The following APCDD1 variants were observed in gnomAD, a reference collection of about 807,000 sequenced individuals.
The protein encoded by APCDD1 is protein APCDD1.
APCDD1 carries 15 observed loss-of-function variants against 38.1 expected under a neutral mutation model. The ratio of observed to expected loss-of-function variants is 0.39; its 90% CI spans 0.26 to 0.61. The LOEUF (loss-of-function observed/expected upper bound fraction) is 0.61. Among genes scored for constraint, APCDD1 ranks in the 20% least tolerant of loss-of-function variants. The pLI, the probability that APCDD1 is intolerant of heterozygous loss-of-function variation, is 0.49. For missense variants in APCDD1, 647 were observed against 696.2 expected, an observed-to-expected ratio of 0.93 and a Z score of 0.79; for synonymous variants, 261 against 279.7, an observed-to-expected ratio of 0.93 and a Z score of 0.67.
chr18:10,483,964 A>C (rs559115987), intron 3 of APCDD1, among the ~76,000 whole-genome samples: 1 of 152,328 alleles, frequency 6.6e-6, no homozygotes, highest in East Asian at 1.9e-4. Context: ...CCTTGGTCAG[A>C]CAGCGAGGCA....
In APCDD1 at chr18:10,487,544, C is replaced by CA. The variant is rs1449826985; in HGVS notation, c.1097-45dup. 6.3e-6 allele frequency: 10 copies of CA among 1,597,856 alleles called. No individual in the cohort carries two copies. The South Asian group carries it at 1.1e-4, about 18-fold the overall frequency. ...GTTTTCTGGGTGGGTTTCTGGATCC[C>CA]ACGCCTACTCCCTGGAGTCATGGAA... On this transcript the variant is annotated intron_variant, in intron 4 of 4. Transcript: ENST00000355285.
rs1319763013 is a variant in APCDD1, at chr18:10,471,151, G to A, written c.243-379G>A. Among the ~76,000 whole-genome samples the A allele has an allele frequency of 6.6e-6, 1 of 152,258 alleles. No homozygotes were observed. Among genetic ancestry groups the A allele is most frequent in the Non-Finnish European group, 1.5e-5 (1 of 68,040 alleles). ...CCTCCTTATCCAGAAAGAAATGCCT[G>A]CACAGGGCAGCAGGTGTTTGCCCTC... is the stretch of plus-strand genomic sequence containing the variant. On this transcript the variant is annotated intron_variant, in intron 2 of 4. Coordinates refer to ENST00000355285, the MANE Select transcript of APCDD1 (RefSeq NM_153000.5). The surrounding 1 kb of genome is among the most constrained non-coding windows in gnomAD (Gnocchi z 5.5).
At position 10,485,432 on chromosome 18, in the gene APCDD1, C is replaced by G; in HGVS notation, c.775-30C>G. The G allele has an allele frequency of 1.2e-6, 2 of 1,611,864 alleles. No homozygotes were observed. The highest frequency in any genetic ancestry group is 2.2e-5 in the East Asian group (1 of 44,864). On this transcript the variant is annotated intron_variant, in intron 3 of 4. Transcript: ENST00000355285. This position sits in a 1 kb window ranked among gnomAD's most constrained non-coding sequence, Gnocchi z 5.8. ...CACTGCTCCCTTGGGAAGATAGAGGCCTCTGAATGTGTTTGTTTCTTGGCT... is the reference window on the plus strand; with the variant it reads ...CACTGCTCCCTTGGGAAGATAGAGGGCTCTGAATGTGTTTGTTTCTTGGCT...
intron 3 of APCDD1, among the ~76,000 whole-genome samples, chr18:10,483,661 G>A (rs2031187558): frequency 6.6e-6 from 1 of 152,222 alleles, no homozygotes; most frequent in African/African-American, 2.4e-5. Context: ...AACTGCTAGA[G>A]AACAAGTGTG....
At chr18:10,483,415 C>G (rs1323709549) in intron 3 of APCDD1, among the ~76,000 whole-genome samples, 1 of 152,218 alleles carries the variant, frequency 6.6e-6, no homozygotes, top group African/African-American at 2.4e-5. Context: ...GCTCTTTGAT[C>G]CAATTGTCTA....
Position 10,455,001 on chromosome 18 carries a change from T to G in APCDD1, c.20T>G (p.Leu7Arg), listed in dbSNP as rs764939671. 14 of 1,561,118 alleles carry G rather than the reference T, an allele frequency of 9.0e-6. No homozygotes were observed. Among genetic ancestry groups the G allele is most frequent in the Non-Finnish European group, 1.2e-5 (14 of 1,153,026 alleles). Residue 7 changes from leucine to arginine, a missense_variant, in exon 1 of 5, where the codon CTC becomes CGC. Transcript: ENST00000355285. ...CTGGAAATGTCCTGGCCGCGCCGCC[T>G]CCTGCTCAGATACCTGTTCCCGGCC... is the stretch of plus-strand genomic sequence containing the variant. MSWPRR[L>R]LLRYLFPALL...
intron 1 of APCDD1, among the ~76,000 whole-genome samples, chr18:10,466,549 C>T (rs948730211): frequency 1.3e-5 from 2 of 152,266 alleles, no homozygotes; most frequent in Admixed American, 6.5e-5. Flanking sequence ...TGTAAATAGG[C>T]TGGTTTTGAA....
In APCDD1 at chr18:10,454,640, G is replaced by C; in HGVS notation, c.-342G>C. The C allele has an allele frequency of 3.8e-6, 4 of 1,062,776 alleles. No individual in the cohort carries two copies. Among genetic ancestry groups the C allele is most frequent in the Non-Finnish European group, 4.6e-6 (4 of 875,508 alleles). 65.8% of individuals were successfully genotyped at this position (1,062,776 alleles called of 1,614,324 possible). A position where few individuals can be genotyped will look rare whatever the true frequency, so the allele number is the denominator to read the frequency against. ...CGGCGGCGCGCTGGAAATATGAAGAGACGCTGCAGCTGCGGTGGCGGTGGC... is the reference window on the plus strand; with the variant it reads ...CGGCGGCGCGCTGGAAATATGAAGACACGCTGCAGCTGCGGTGGCGGTGGC... On this transcript the variant is annotated 5_prime_UTR_variant, in exon 1 of 5. Coordinates refer to ENST00000355285, the MANE Select transcript of APCDD1 (RefSeq NM_153000.5).
rs186794994 is a variant in APCDD1 at position 10,456,371 on chromosome 18, A to G, written c.58+1332A>G. 5.7e-4 allele frequency among the ~76,000 whole-genome samples: 87 copies of G among 152,366 alleles called. 1 individual carries two copies. The highest frequency in any genetic ancestry group is 2.0e-3 in the African/African-American group (82 of 41,586). On this transcript the variant is annotated intron_variant, in intron 1 of 4. Coordinates refer to ENST00000355285, the MANE Select transcript of APCDD1 (RefSeq NM_153000.5). ...AGCAGTTTTAATCTTTGGCTGAAAC[A>G]TGAAACAAATCAGAGCCAATGAACA...
intron 3 of APCDD1, among the ~76,000 whole-genome samples, chr18:10,479,000 G>A: frequency 6.6e-6 from 1 of 152,180 alleles, no homozygotes; most frequent in East Asian, 1.9e-4. Flanking sequence ...CCGTTTGCCT[G>A]TTAGCCGAGA....
rs1419734214 is a variant in APCDD1, at chr18:10,485,006, T to G, written c.775-456T>G. On this transcript the variant is annotated intron_variant, in intron 3 of 4. Transcript: ENST00000355285. The surrounding 1 kb of genome is among the most constrained non-coding windows in gnomAD (Gnocchi z 5.8). ...TTTTGTTTTGTTTTGTTTTGTTTTT[T>G]GAGGAACCACCTTACTGTTTTCCAT... Among the ~76,000 whole-genome samples the G allele has an allele frequency of 1.3e-5, 2 of 152,206 alleles. No individual in the cohort carries two copies. The highest frequency in any genetic ancestry group is 4.1e-4 in the South Asian group (2 of 4,824).
chr18:10,472,303 C>G lies in APCDD1; in HGVS notation c.774+242C>G, dbSNP rs1306774641. On this transcript the variant is annotated intron_variant, in intron 3 of 4. Coordinates refer to ENST00000355285, the MANE Select transcript of APCDD1 (RefSeq NM_153000.5). The surrounding 1 kb of genome is among the most constrained non-coding windows in gnomAD (Gnocchi z 6.6). ...CTCTGTGACTTGGAACCTCGGTTAT[C>G]CTACTGAAGTGGGTGGTGGCATGGG... Among the ~76,000 whole-genome samples, 1 of 152,096 alleles carries G rather than the reference C, an allele frequency of 6.6e-6. No homozygotes were observed. Among genetic ancestry groups the G allele is most frequent in the African/African-American group, 2.4e-5 (1 of 41,422 alleles).
At chr18:10,486,361 C>T (rs1053073150) in intron 4 of APCDD1, among the ~76,000 whole-genome samples, 9 of 151,966 alleles carry the variant, frequency 5.9e-5, no homozygotes, top group Admixed American at 3.9e-4. Context: ...CTCTAAAAAA[C>T]AAAAAAAGAA....
At chr18:10,474,278 T>G (rs1042108183) in intron 3 of APCDD1, 3 of 152,214 alleles carry the variant, frequency 2.0e-5, no homozygotes, top group African/African-American at 7.2e-5. Flanking sequence ...ATGTCATGAA[T>G]TAAAACGGCC....
chr18:10,461,795 G>A (rs1192158460), intron 1 of APCDD1, among the ~76,000 whole-genome samples: 1 of 152,212 alleles, frequency 6.6e-6, no homozygotes, highest in Non-Finnish European at 1.5e-5. Flanking sequence ...AAATCTTAGT[G>A]AATGGGAACT....
In APCDD1 at chr18:10,454,685, G is replaced by T. The variant is rs1459093141; in HGVS notation, c.-297G>T. ...GGTGGCGGCCACTGCAGCTCAGAGC[G>T]GCGCACGCGGCGGCCGGGGCGGGAC... On this transcript the variant is annotated 5_prime_UTR_variant, in exon 1 of 5. Transcript: ENST00000355285. 2 of 986,394 alleles carry T rather than the reference G, an allele frequency of 2.0e-6. No individual in the cohort carries two copies. Among genetic ancestry groups the T allele is most frequent in the East Asian group, 2.3e-4 (2 of 8,784 alleles). 61.1% of individuals were successfully genotyped at this position (986,394 alleles called of 1,614,324 possible).
chr18:10,473,356 T>C (rs929047580), intron 3 of APCDD1, among the ~76,000 whole-genome samples: 25 of 152,216 alleles, frequency 1.6e-4, no homozygotes, highest in Admixed American at 1.5e-3. Context: ...TGAAGCCCTG[T>C]GCTCAGCCCA....
rs2031220736 is a variant in APCDD1 at position 10,485,146 on chromosome 18, G to T, written c.775-316G>T. On this transcript the variant is annotated intron_variant, in intron 3 of 4. Coordinates refer to ENST00000355285, the MANE Select transcript of APCDD1 (RefSeq NM_153000.5). The surrounding 1 kb of genome is among the most constrained non-coding windows in gnomAD (Gnocchi z 5.8). ...TTTTTTGATAGTAGCCATCCTAATG[G>T]GTGTGAGGTGCTGCCATCATTTCTT... Among the ~76,000 whole-genome samples the T allele has an allele frequency of 2.0e-5, 3 of 152,202 alleles. No individual in the cohort carries two copies. In the South Asian group the frequency reaches 6.2e-4, roughly 32 times the overall value.
At chr18:10,473,112 TA>T (rs1489779057) in intron 3 of APCDD1, among the ~76,000 whole-genome samples, 1 of 152,270 alleles carries the variant, frequency 6.6e-6, no homozygotes, top group Non-Finnish European at 1.5e-5. Flanking sequence ...CTTCATTTTT[TA>T]AAAATCTTTT....
Sources: gnomAD v4.1 joint callset for allele counts (sites outside exome capture counted in the v4.1 genomes callset) on GRCh38, gnomAD v4.1.1 for gene constraint, Gnocchi (gnomAD v3.1) non-coding constraint, MANE v1.5 for transcripts, NCBI Gene and HGNC (gene_info 2026-07-23, HGNC 2026-07-21) for gene names.